The following CEP128 variants were observed in gnomAD, a reference collection of about 807,000 sequenced individuals.
CEP128 encodes centrosomal protein 128.
A neutral mutation model predicts 156.7 loss-of-function variants in CEP128; 132 were observed. That is an observed-to-expected ratio of 0.84 (90% CI 0.73 to 0.97). The LOEUF is 0.97. Among genes scored for constraint, CEP128 ranks in the 50% least tolerant of loss-of-function variants. The probability of loss-of-function intolerance (pLI) is 0.00; values close to 1 mark genes in which losing one functional copy is unlikely to be tolerated. For missense variants in CEP128, 1,252 were observed against 1,281.9 expected, an observed-to-expected ratio of 0.98 and a Z score of 0.36; for synonymous variants, 469 against 448.9, an observed-to-expected ratio of 1.04 and a Z score of -0.57.
chr14:80,623,225 T>C (rs1022350593), intron 19 of CEP128, among the ~76,000 whole-genome samples: 12 of 149,098 alleles, frequency 8.0e-5, no homozygotes, highest in African/African-American at 2.2e-4. Context: ...AACCAAACAC[T>C]GCATGTTCTC....
At chr14:80,595,414 A>T (rs1024097864) in intron 19 of CEP128, among the ~76,000 whole-genome samples, 2 of 152,204 alleles carry the variant, frequency 1.3e-5, no homozygotes, top group East Asian at 3.8e-4. Flanking sequence ...TGGCACCTGT[A>T]TACCTATATA....
At chr14:80,565,957 A>G (rs908960179) in intron 20 of CEP128, among the ~76,000 whole-genome samples, 1 of 152,242 alleles carries the variant, frequency 6.6e-6, no homozygotes. Flanking sequence ...ATGAAAAAGC[A>G]TAACACTGGC....
chr14:80,955,850 T>G, intron 2 of CEP128: 1 of 1,614,150 alleles, frequency 6.2e-7, no homozygotes, highest in East Asian at 2.2e-5. Flanking sequence ...ACGCAGACTC[T>G]GTGAGTACCC....
In CEP128 at chr14:80,908,094, G is replaced by C. The variant is rs182062636; in HGVS notation, c.235-2013C>G. ...TTTTTGAAGGTAATCTGCCTTTTCA[G>C]CTCTGGCTATTTTTAAGATTTTCTC... On this transcript the variant is annotated intron_variant, in intron 4 of 24. Transcript: ENST00000555265. 2.6e-5 allele frequency among the ~76,000 whole-genome samples: 4 copies of C among 151,860 alleles called. No individual in the cohort carries two copies. In the East Asian group the frequency reaches 7.7e-4, roughly 29 times the overall value.
intron 19 of CEP128, among the ~76,000 whole-genome samples, chr14:80,618,796 G>A (rs1167648825): frequency 6.6e-6 from 1 of 152,112 alleles, no homozygotes; most frequent in Non-Finnish European, 1.5e-5. Flanking sequence ...TCACTTGGAG[G>A]GCCTGTTAAA....
intron 8 of CEP128, among the ~76,000 whole-genome samples, chr14:80,892,644 A>G: frequency 6.6e-6 from 1 of 152,020 alleles, no homozygotes; most frequent in East Asian, 1.9e-4. Flanking sequence ...TTGGCAAACA[A>G]TATATCTGAT....
intron 9 of CEP128, among the ~76,000 whole-genome samples, chr14:80,851,634 A>T (rs1166143062): frequency 6.6e-6 from 1 of 152,064 alleles, no homozygotes; most frequent in African/African-American, 2.4e-5. Context: ...GGGAAAAAGA[A>T]ACAAAAAGAG....
intron 12 of CEP128, 141 bp downstream of exon 12, chr14:80,836,064 G>C: frequency 1.2e-6 from 1 of 810,714 alleles, no homozygotes; most frequent in Non-Finnish European, 2.0e-6. Flanking sequence ...CAACTTATCA[G>C]AAAATGTTTA....
intron 21 of CEP128, among the ~76,000 whole-genome samples, chr14:80,542,225 T>C (rs1889796239): frequency 6.6e-6 from 1 of 152,212 alleles, no homozygotes; most frequent in South Asian, 2.1e-4. Context: ...ACACTGCAAA[T>C]TCCTTAAAGG....
intron 13 of CEP128, among the ~76,000 whole-genome samples, chr14:80,812,845 G>A (rs1884638572): frequency 6.6e-6 from 1 of 152,148 alleles, no homozygotes; most frequent in Admixed American, 6.5e-5. Context: ...TTACAAGCGT[G>A]AGCCACCGCG....
At chr14:80,773,199 A>G (rs1900609090) in intron 16 of CEP128, among the ~76,000 whole-genome samples, 1 of 152,232 alleles carries the variant, frequency 6.6e-6, no homozygotes, top group African/African-American at 2.4e-5. Context: ...ATATAAAATG[A>G]AAATCATCAG....
At chr14:80,598,781 A>G (rs1040201735) in intron 19 of CEP128, among the ~76,000 whole-genome samples, 7 of 152,220 alleles carry the variant, frequency 4.6e-5, no homozygotes, top group African/African-American at 1.7e-4. Flanking sequence ...TCATAGCTCA[A>G]TAGAACAGAA....
intron 14 of CEP128, among the ~76,000 whole-genome samples, chr14:80,483,450 T>C (rs1393186048): frequency 2.0e-5 from 3 of 152,202 alleles, no homozygotes; most frequent in Admixed American, 1.3e-4. Flanking sequence ...TGCTATCTGA[T>C]TGGTGTGGTT....
intron 17 of CEP128, among the ~76,000 whole-genome samples, chr14:80,761,122 A>G (rs567167698): frequency 1.3e-5 from 2 of 152,130 alleles, no homozygotes; most frequent in Non-Finnish European, 2.9e-5. Flanking sequence ...TACCAACAAC[A>G]ACAAAAATAG....
chr14:80,955,562 C>T, intron 2 of CEP128: 3 of 1,237,482 alleles, frequency 2.4e-6, no homozygotes, highest in Non-Finnish European at 3.6e-6. Context: ...CCCTTGGAGC[C>T]CTCCCTCTTC....
At chr14:80,576,185 G>C (rs938502816) in intron 20 of CEP128, among the ~76,000 whole-genome samples, 1 of 152,074 alleles carries the variant, frequency 6.6e-6, no homozygotes, top group Non-Finnish European at 1.5e-5. Flanking sequence ...CACGAGCAAG[G>C]TGTCAAGTCA....
rs759246216 is a variant in CEP128, at chr14:80,756,943, T to G, written c.2562A>C (p.Ser854=). The part of the protein sequence containing the change: ...KDSVEKLKVF[S]SGPDIHYDPH... The stretch of plus-strand genomic sequence containing the variant: ...GGTCATAATGTATATCAGGACCAGA[T>G]GAAAAAACCTACAAAAGAGAAAACA... Residue 854 remains serine, a synonymous_variant, in exon 18 of 25, where the codon TCA becomes TCC. Coordinates refer to ENST00000555265, the MANE Select transcript of CEP128 (RefSeq NM_152446.5). 2 of 1,593,818 alleles carry G rather than the reference T, an allele frequency of 1.3e-6. No homozygotes were observed. Among genetic ancestry groups the G allele is most frequent in the East Asian group, 4.5e-5 (2 of 44,634 alleles).
At chr14:80,750,902 G>A (rs948505918) in intron 18 of CEP128, among the ~76,000 whole-genome samples, 1 of 152,136 alleles carries the variant, frequency 6.6e-6, no homozygotes, top group African/African-American at 2.4e-5. Context: ...CCTTTAGGGA[G>A]GAAATTAAGG....
intron 13 of CEP128, among the ~76,000 whole-genome samples, chr14:80,817,638 T>A (rs1003590068): frequency 5.3e-5 from 8 of 152,150 alleles, no homozygotes; most frequent in Admixed American, 5.2e-4. Context: ...ATCCCAGTAC[T>A]TTGGGAGGCC....
Sources: allele counts gnomAD v4.1 joint callset (sites outside exome capture counted in the v4.1 genomes callset), GRCh38; gene constraint gnomAD v4.1.1; transcripts MANE v1.5; gene names NCBI Gene and HGNC (gene_info 2026-07-23, HGNC 2026-07-21).